Variants in SMAD2 observed in about 807,000 individuals in gnomAD.
SMAD2 encodes the protein SMAD family member 2.
Under a neutral mutation model 64.4 loss-of-function variants are expected in SMAD2, and 8 were observed. That is an observed-to-expected ratio of 0.12 (90% CI 0.07 to 0.22). The LOEUF is 0.22. Among genes scored for constraint, SMAD2 ranks in the 10% least tolerant of loss-of-function variants. The pLI, the probability that SMAD2 is intolerant of heterozygous loss-of-function variation, is 1.00. For synonymous variants in SMAD2, 203 were observed against 195.8 expected (o/e 1.04, Z -0.31); for missense variants, 289 against 561.2 (o/e 0.51, Z 4.90).
intron 1 of SMAD2, among the ~76,000 whole-genome samples, chr18:47,927,595 T>C (rs1226524673): frequency 6.6e-6 from 1 of 152,252 alleles, no homozygotes; most frequent in East Asian, 1.9e-4. Flanking sequence ...TGAATAAATG[T>C]ATTTGTTGAA....
intron 10 of SMAD2, among the ~76,000 whole-genome samples, chr18:47,843,732 C>T (rs1639866932): frequency 6.6e-6 from 1 of 152,140 alleles, no homozygotes; most frequent in Non-Finnish European, 1.5e-5. Flanking sequence ...ATGTACCTGA[C>T]TCCCAATACT....
intron 2 of SMAD2, among the ~76,000 whole-genome samples, chr18:47,890,887 T>C (rs2033157010): frequency 6.6e-6 from 1 of 152,216 alleles, no homozygotes; most frequent in South Asian, 2.1e-4. Context: ...TATTCCTGGT[T>C]ACCTAGAGAA....
At chr18:47,904,618 T>A (rs551531368) in intron 1 of SMAD2, among the ~76,000 whole-genome samples, 1 of 152,042 alleles carries the variant, frequency 6.6e-6, no homozygotes, top group East Asian at 1.9e-4. Context: ...TACTACTAGA[T>A]GCAAAAATCC....
chr18:47,919,222 T>C (rs988509754), intron 1 of SMAD2, among the ~76,000 whole-genome samples: 9 of 152,080 alleles, frequency 5.9e-5, no homozygotes, highest in Admixed American at 5.2e-4. Context: ...ATTTCCAACC[T>C]AGACTTATGT....
intron 10 of SMAD2, among the ~76,000 whole-genome samples, chr18:47,844,761 C>G (rs1420321130): frequency 6.6e-6 from 1 of 152,168 alleles, no homozygotes; most frequent in Non-Finnish European, 1.5e-5. Context: ...GAATTGACAA[C>G]AGAAATAATA....
In SMAD2 at chr18:47,839,928, A is replaced by G. The variant is rs987002152; in HGVS notation, c.*1899T>C. 4.3e-6 allele frequency: 1 copy of G among 233,128 alleles called. No homozygotes were observed. The highest frequency in any genetic ancestry group is 2.2e-5 in the African/African-American group (1 of 45,348). 14.4% of individuals were successfully genotyped at this position (233,128 alleles called of 1,614,324 possible). On this transcript the variant is annotated 3_prime_UTR_variant, in exon 11 of 11. Coordinates refer to ENST00000262160, the MANE Select transcript of SMAD2 (RefSeq NM_005901.6). ...AGCATCCCATCTGTTATTCTCCAGT[A>G]CAGTACCCTGTTTATCTCCTTCATA...
intron 10 of SMAD2, 103 bp downstream of exon 10, chr18:47,845,237 T>C (rs765473159): frequency 7.6e-5 from 91 of 1,192,654 alleles, no homozygotes; most frequent in Non-Finnish European, 1.1e-4. Flanking sequence ...GCTGACTCTA[T>C]AACCTCATTG....
rs779006352 is a variant in SMAD2 at position 47,870,541 on chromosome 18, A to G, written c.260T>C (p.Leu87Pro). The G allele has an allele frequency of 3.1e-6, 5 of 1,613,266 alleles. No individual in the cohort carries two copies. The Admixed American group carries it at 5.0e-5, about 16-fold the overall frequency. The change falls in exon 3 of 11, where the codon CTG (leucine) becomes CCG (proline). Residue 87 changes from leucine (L) to proline (P), a missense_variant. Leu to Pro is a moderately conservative substitution (Grantham distance 98, BLOSUM62 -3). Coordinates refer to ENST00000262160, the MANE Select transcript of SMAD2 (RefSeq NM_005901.6). ...CTGATCTATCGTATTTGGTGTACTC[A>G]GTCCCCAAATTTCAGAGCAAGTGCT... ...IPSTCSEIWGLSTPNTIDQWD... is the reference protein window; with the variant it reads ...IPSTCSEIWGPSTPNTIDQWD...
At position 47,845,180 on chromosome 18, in the gene SMAD2, A is replaced by G. The variant is rs890364719; in HGVS notation, c.1280+160T>C. On this transcript the variant is annotated intron_variant, in intron 10 of 10. Coordinates refer to ENST00000262160, the MANE Select transcript of SMAD2 (RefSeq NM_005901.6). ...CATAATGGCAGCTCAGTAATTTGCA[A>G]CAGTTTTGAATTTGGAGGCCTCCAA... is the stretch of plus-strand genomic sequence containing the variant. 6.8e-6 allele frequency: 5 copies of G among 739,056 alleles called. No homozygotes were observed. The African/African-American group carries it at 8.8e-5, about 13-fold the overall frequency. The allele number at this position is 739,056 out of a possible 1,614,324, so 45.8% of individuals were successfully genotyped here.
rs1209630664 is a variant in SMAD2 at position 47,822,165 on chromosome 18, G to T, written c.*19662C>A. The stretch of plus-strand genomic sequence containing the variant: ...AATTGTACGATGCCGTTAGAAATAT[G>T]TCATCAGTCATAATTCTGATTATGC... On this transcript the variant is annotated 3_prime_UTR_variant, in exon 11 of 11. Transcript: ENST00000262160. 6.6e-6 allele frequency: 1 copy of T among 152,154 alleles called. No individual in the cohort carries two copies. The highest frequency in any genetic ancestry group is 1.5e-5 in the Non-Finnish European group (1 of 68,024). 9.4% of individuals were successfully genotyped at this position (152,154 alleles called of 1,614,324 possible).
Position 47,824,834 on chromosome 18 carries a change from A to T in SMAD2, c.*16993T>A, listed in dbSNP as rs1912692108. 6.6e-6 allele frequency: 1 copy of T among 152,220 alleles called. No individual in the cohort carries two copies. Among genetic ancestry groups the T allele is most frequent in the African/African-American group, 2.4e-5 (1 of 41,450 alleles). 9.4% of individuals were successfully genotyped at this position (152,220 alleles called of 1,614,324 possible). A position where few individuals can be genotyped will look rare whatever the true frequency, so the allele number is the denominator to read the frequency against. ...TCTTCTGTGGTCCACAAATCATGGC[A>T]AAAAACTTTGTTTTCATATGCCCAT... is the stretch of plus-strand genomic sequence containing the variant. On this transcript the variant is annotated 3_prime_UTR_variant, in exon 11 of 11. Transcript: ENST00000262160.
rs1358105552 is a variant in SMAD2 at position 47,848,677 on chromosome 18, T to G, written c.795A>C (p.Pro265=). 2 of 1,610,298 alleles carry G rather than the reference T, an allele frequency of 1.2e-6. No individual in the cohort carries two copies. The highest frequency in any genetic ancestry group is 1.7e-6 in the Non-Finnish European group (2 of 1,177,062). Residue 265 remains proline, a synonymous_variant, in exon 8 of 11, where the codon CCA becomes CCC. Coordinates refer to ENST00000262160, the MANE Select transcript of SMAD2 (RefSeq NM_005901.6). ...SPVNHSLDLQ[P]VTYSEPAFWC... is the part of the protein sequence containing the mutation. ...AAAATGCAGGTTCTGAGTAAGTAACTGGCTGTAAATCTGAAAAAGAAAAAA... is the reference window on the plus strand; with the variant it reads ...AAAATGCAGGTTCTGAGTAAGTAACGGGCTGTAAATCTGAAAAAGAAAAAA...
At chr18:47,868,116 T>G (rs1240995163) in intron 5 of SMAD2, 2 of 551,588 alleles carry the variant, frequency 3.6e-6, no homozygotes, top group Non-Finnish European at 3.2e-6. Flanking sequence ...GAAAATGAAA[T>G]ATAAAGTAAA....
Position 47,822,864 on chromosome 18 carries a change from G to A in SMAD2, c.*18963C>T, listed in dbSNP as rs1442884387. The A allele has an allele frequency of 2.6e-5, 4 of 152,148 alleles. No individual in the cohort carries two copies. The highest frequency in any genetic ancestry group is 5.9e-5 in the Non-Finnish European group (4 of 68,060). The allele number at this position is 152,148 out of a possible 1,614,324, so 9.4% of individuals were successfully genotyped here. On this transcript the variant is annotated 3_prime_UTR_variant, in exon 11 of 11. Transcript: ENST00000262160. Reference sequence around the variant, plus strand: ...GCTAATTTTTGTATTTTTTAGTAGAGACGGTGGCCGGGGGGAGGTTTCACT... The same window carrying A: ...GCTAATTTTTGTATTTTTTAGTAGAAACGGTGGCCGGGGGGAGGTTTCACT...
Position 47,837,020 on chromosome 18 carries a change from C to G in SMAD2, c.*4807G>C, listed in dbSNP as rs1049177960. On this transcript the variant is annotated 3_prime_UTR_variant, in exon 11 of 11. Transcript: ENST00000262160. The stretch of plus-strand genomic sequence containing the variant: ...ATCCAATATGCCCCAAGATGGAAAT[C>G]TGGTATCGTAGGGAAAACATTGGCT... 1 of 211,848 alleles carries G rather than the reference C, an allele frequency of 4.7e-6. No homozygotes were observed. Among genetic ancestry groups the G allele is most frequent in the African/African-American group, 2.3e-5 (1 of 44,142 alleles). 13.1% of individuals were successfully genotyped at this position (211,848 alleles called of 1,614,324 possible).
chr18:47,845,233 T>C (rs1387025349), intron 10 of SMAD2, 107 bp downstream of exon 10: 1 of 1,159,660 alleles, frequency 8.6e-7, no homozygotes, highest in South Asian at 1.2e-5. Flanking sequence ...ATCAGCTGAC[T>C]CTATAACCTC....
At chr18:47,869,077 A>C (rs1160088356) in intron 4 of SMAD2, among the ~76,000 whole-genome samples, 166 bp downstream of exon 4, 1 of 152,200 alleles carries the variant, frequency 6.6e-6, no homozygotes, top group Non-Finnish European at 1.5e-5. Flanking sequence ...TCTCATTAAA[A>C]ATTTTTAAAA....
chr18:47,922,660 A>T (rs1470163481), intron 1 of SMAD2: 1 of 152,216 alleles, frequency 6.6e-6, no homozygotes, highest in Non-Finnish European at 1.5e-5. Context: ...AACATACTAC[A>T]AGGCAGAGAA....
At position 47,893,359 on chromosome 18, in the gene SMAD2, G is replaced by A. The variant is rs536234286; in HGVS notation, c.236+3162C>T. Reference sequence around the variant, plus strand: ...AACCCCACTCTAATATTAAGGGGCTGAAAGTAGAGAGGAGGAACTGTTCAG... The same window carrying A: ...AACCCCACTCTAATATTAAGGGGCTAAAAGTAGAGAGGAGGAACTGTTCAG... On this transcript the variant is annotated intron_variant, in intron 2 of 10. Coordinates refer to ENST00000262160, the MANE Select transcript of SMAD2 (RefSeq NM_005901.6). Among the ~76,000 whole-genome samples the A allele has an allele frequency of 6.6e-5, 10 of 152,322 alleles. No individual in the cohort carries two copies. In the South Asian group the frequency reaches 2.1e-3, roughly 32 times the overall value.
Sources: allele counts gnomAD v4.1 joint callset (sites outside exome capture counted in the v4.1 genomes callset), GRCh38; gene constraint gnomAD v4.1.1; transcripts MANE v1.5; gene names NCBI Gene and HGNC (gene_info 2026-07-23, HGNC 2026-07-21).